L3MBTL3: variants seen among roughly 807,000 people sequenced by gnomAD.
The protein encoded by L3MBTL3 is lethal(3)malignant brain tumor-like protein 3.
In L3MBTL3, 27 loss-of-function variants were observed where a neutral mutation model predicts 102.3. That is an observed-to-expected ratio of 0.26 (90% CI 0.19 to 0.36). The LOEUF (loss-of-function observed/expected upper bound fraction) is 0.36. L3MBTL3 is among the 10% of genes least tolerant of loss of function. The probability of loss-of-function intolerance (pLI) is 1.00; values close to 1 mark genes in which losing one functional copy is unlikely to be tolerated. For missense variants in L3MBTL3, 798 were observed against 955.3 expected, an observed-to-expected ratio of 0.84 and a Z score of 2.17; for synonymous variants, 340 against 320.9, an observed-to-expected ratio of 1.06 and a Z score of -0.64.
At chr6:130,057,591 G>A (rs1227842653) in intron 9 of L3MBTL3, 94 bp downstream of exon 9, 2 of 1,053,410 alleles carry the variant, frequency 1.9e-6, no homozygotes, top group African/African-American at 1.6e-5. Context: ...ATTTGACTTG[G>A]GATCATTTTC....
At chr6:130,021,363 C>G (rs73614208) in intron 1 of L3MBTL3, among the ~76,000 whole-genome samples, 3,032 of 152,262 alleles carry the variant, frequency 0.02, 98 homozygotes, top group African/African-American at 0.069. Flanking sequence ...GGATGCTGAT[C>G]AGAAATTGAA....
At chr6:130,033,072 A>AGAG (rs1426514602) in intron 2 of L3MBTL3, among the ~76,000 whole-genome samples, 1 of 152,196 alleles carries the variant, frequency 6.6e-6, no homozygotes, top group Non-Finnish European at 1.5e-5. Context: ...AGTGATACGA[A>AGAG]GAGGAGGAAA....
At chr6:130,060,844 C>G (rs185255012) in intron 10 of L3MBTL3, among the ~76,000 whole-genome samples, 25 of 151,906 alleles carry the variant, frequency 1.6e-4, no homozygotes, top group Non-Finnish European at 2.8e-4. Context: ...TGCTCCCTCC[C>G]TTGAGCCAGA....
intron 15 of L3MBTL3, 82 bp downstream of exon 15, chr6:130,083,787 T>TA (rs1380828892): frequency 1.5e-6 from 1 of 653,264 alleles, no homozygotes; most frequent in African/African-American, 1.9e-5. Flanking sequence ...ATGGTATTAG[T>TA]AAACCAGAAT....
At chr6:130,043,774 T>A (rs1295425044) in intron 3 of L3MBTL3, among the ~76,000 whole-genome samples, 1 of 152,188 alleles carries the variant, frequency 6.6e-6, no homozygotes, top group Non-Finnish European at 1.5e-5. Flanking sequence ...AAGCCTGCCC[T>A]AGCTCATCCT....
chr6:130,120,580 A>C (rs760106583), intron 19 of L3MBTL3, among the ~76,000 whole-genome samples: 6 of 152,224 alleles, frequency 3.9e-5, no homozygotes, highest in Non-Finnish European at 8.8e-5. Flanking sequence ...ATTCCACATG[A>C]ATACATGTCC....
intron 8 of L3MBTL3, among the ~76,000 whole-genome samples, chr6:130,056,388 C>G (rs1348037117): frequency 6.6e-6 from 1 of 152,214 alleles, no homozygotes; most frequent in African/African-American, 2.4e-5. Flanking sequence ...ATGTCCCCCA[C>G]AAGGCTCTAT....
At chr6:130,052,752 C>A in intron 6 of L3MBTL3, 107 bp from the exon 7 acceptor site, 1 of 1,362,386 alleles carries the variant, frequency 7.3e-7, no homozygotes, top group Non-Finnish European at 9.7e-7. Flanking sequence ...AAAGATTTTT[C>A]CTTTGCAGGG....
intron 19 of L3MBTL3, among the ~76,000 whole-genome samples, chr6:130,106,648 A>G (rs923449781): frequency 1.3e-5 from 2 of 152,118 alleles, no homozygotes; most frequent in African/African-American, 4.8e-5. Flanking sequence ...AGGAAGTTTG[A>G]TTACCATTGA....
At chr6:130,057,524 T>C (rs1781585789) in intron 9 of L3MBTL3, 27 bp downstream of exon 9, 2 of 1,553,672 alleles carry the variant, frequency 1.3e-6, no homozygotes, top group Non-Finnish European at 1.8e-6. Flanking sequence ...AGACGTGATC[T>C]GTAAGGGCGC....
intron 18 of L3MBTL3, among the ~76,000 whole-genome samples, chr6:130,103,735 T>C (rs1784832766): frequency 6.6e-6 from 1 of 152,188 alleles, no homozygotes; most frequent in Non-Finnish European, 1.5e-5. Flanking sequence ...TAACAGTGAG[T>C]GACCTCAATT....
intron 14 of L3MBTL3, among the ~76,000 whole-genome samples, chr6:130,079,014 C>T (rs570874315): frequency 6.6e-6 from 1 of 152,114 alleles, no homozygotes; most frequent in Non-Finnish European, 1.5e-5. Context: ...CATTTCTAGA[C>T]TTTATATTAG....
At chr6:130,086,114 C>T (rs773144649) in intron 15 of L3MBTL3, 26 bp from the exon 16 acceptor site, 3 of 1,450,632 alleles carry the variant, frequency 2.1e-6, no homozygotes, top group Non-Finnish European at 1.9e-6. Flanking sequence ...CTTTATCTCA[C>T]TCTGTAAAAT....
chr6:130,080,147 G>A (rs1783233066), intron 14 of L3MBTL3, among the ~76,000 whole-genome samples: 1 of 151,976 alleles, frequency 6.6e-6, no homozygotes, highest in Non-Finnish European at 1.5e-5. Context: ...CCTGCTGTCT[G>A]TGAGACTGAG....
At chr6:130,066,570 A>G in intron 11 of L3MBTL3, 82 bp downstream of exon 11, 1 of 1,260,042 alleles carries the variant, frequency 7.9e-7, no homozygotes, top group South Asian at 1.4e-5. Flanking sequence ...TTAAGAATTC[A>G]GACTTTATGA....
chr6:130,127,828 AT>A (rs1786717368), intron 20 of L3MBTL3, among the ~76,000 whole-genome samples: 2 of 152,154 alleles, frequency 1.3e-5, no homozygotes, highest in Non-Finnish European at 2.9e-5. Flanking sequence ...TAAGTAGTTT[AT>A]TTAATACCTG....
chr6:130,108,362 G>A (rs181099656), intron 19 of L3MBTL3, among the ~76,000 whole-genome samples: 58 of 150,986 alleles, frequency 3.8e-4, no homozygotes, highest in African/African-American at 1.4e-3. Flanking sequence ...AGCCTCCCGA[G>A]TAGCTGGGAT....
Position 130,110,208 on chromosome 6 carries a change from A to T in L3MBTL3, c.1886+5633A>T, listed in dbSNP as rs1054067218. ...TCTTCTTTGGTTCCATATGAAGTTT[A>T]AAGTAGTTTATTTCTAATTCTGTGA... On this transcript the variant is annotated intron_variant, in intron 19 of 22. Coordinates refer to ENST00000361794, the MANE Select transcript of L3MBTL3 (RefSeq NM_032438.4). Among the ~76,000 whole-genome samples, 3 of 152,166 alleles carry T rather than the reference A, an allele frequency of 2.0e-5. No individual in the cohort carries two copies. In the East Asian group the frequency reaches 5.8e-4, roughly 29 times the overall value.
At chr6:130,121,151 T>C (rs989991306) in intron 20 of L3MBTL3, among the ~76,000 whole-genome samples, 193 bp downstream of exon 20, 8 of 152,186 alleles carry the variant, frequency 5.3e-5, no homozygotes, top group African/African-American at 1.7e-4. Flanking sequence ...GAGGGTTTGT[T>C]ATACAGATTA....
Sources: gnomAD v4.1 joint callset for allele counts (sites outside exome capture counted in the v4.1 genomes callset) on GRCh38, gnomAD v4.1.1 for gene constraint, MANE v1.5 for transcripts, NCBI Gene and HGNC (gene_info 2026-07-23, HGNC 2026-07-21) for gene names.